OXR1: variants seen among roughly 807,000 people sequenced by gnomAD.
OXR1 encodes the protein oxidation resistance 1, also known as oxidation resistance protein 1.
OXR1 carries 41 observed loss-of-function variants against 104.6 expected under a neutral mutation model. The ratio of observed to expected loss-of-function variants is 0.39; its 90% confidence interval spans 0.31 to 0.51. The LOEUF is 0.51. Ranked by LOEUF, OXR1 falls within the 20% of genes least tolerant of loss-of-function variation. The pLI is 0.77. For synonymous variants in OXR1, 348 were observed against 348.4 expected (o/e 1.00, Z 0.01); for missense variants, 955 against 1,031.9 (o/e 0.93, Z 1.02).
intron 1 of OXR1, among the ~76,000 whole-genome samples, chr8:106,301,862 T>C (rs1813247669): frequency 6.6e-6 from 1 of 152,226 alleles, no homozygotes. Context: ...TGATTGTAGA[T>C]AGGTTGTTTA....
At chr8:106,298,545 GTC>G (rs1417143220) in intron 1 of OXR1, among the ~76,000 whole-genome samples, 2 of 152,132 alleles carry the variant, frequency 1.3e-5, no homozygotes, top group Admixed American at 1.3e-4. Context: ...TGATAATAAA[GTC>G]TCTGTCTCTA....
chr8:106,565,784 T>C (rs199506700), intron 3 of OXR1, among the ~76,000 whole-genome samples: 1 of 152,156 alleles, frequency 6.6e-6, no homozygotes, highest in East Asian at 1.9e-4. Flanking sequence ...AACAGGTATG[T>C]AGACCAATGG....
At chr8:106,420,707 T>C (rs889227181) in intron 2 of OXR1, among the ~76,000 whole-genome samples, 1 of 150,932 alleles carries the variant, frequency 6.6e-6, no homozygotes, top group Non-Finnish European at 1.5e-5. Flanking sequence ...AAAGAGACCA[T>C]GCTCTGACAA....
At chr8:106,519,898 C>T (rs1813136760) in intron 3 of OXR1, among the ~76,000 whole-genome samples, 1 of 152,142 alleles carries the variant, frequency 6.6e-6, no homozygotes, top group Non-Finnish European at 1.5e-5. Flanking sequence ...TGTCTTTGGC[C>T]TTGCTTTTTA....
At chr8:106,566,005 C>G (rs1817043786) in intron 3 of OXR1, among the ~76,000 whole-genome samples, 1 of 152,008 alleles carries the variant, frequency 6.6e-6, no homozygotes, top group Non-Finnish European at 1.5e-5. Context: ...ATGTCAGACT[C>G]AAAACCATAA....
chr8:106,658,168 C>T, intron 3 of OXR1: 3 of 1,243,770 alleles, frequency 2.4e-6, no homozygotes, highest in Non-Finnish European at 3.0e-6. Context: ...CCGGCGCCGT[C>T]CAGCCCGGAG....
chr8:106,564,195 C>G (rs1429461525), intron 3 of OXR1, among the ~76,000 whole-genome samples: 1 of 151,946 alleles, frequency 6.6e-6, no homozygotes, highest in Admixed American at 6.6e-5. Flanking sequence ...AATCCAGGAG[C>G]CAGTTTTTTG....
intron 2 of OXR1, among the ~76,000 whole-genome samples, chr8:106,456,283 T>C (rs1356562788): frequency 6.6e-6 from 1 of 152,188 alleles, no homozygotes; most frequent in Non-Finnish European, 1.5e-5. Flanking sequence ...CCTCCAACAA[T>C]TCAAATTCAT....
At chr8:106,732,036 G>A (rs946937808) in intron 11 of OXR1, among the ~76,000 whole-genome samples, 2 of 151,862 alleles carry the variant, frequency 1.3e-5, no homozygotes, top group African/African-American at 4.8e-5. Flanking sequence ...TATGAATGTG[G>A]GATATGTATT....
intron 2 of OXR1, among the ~76,000 whole-genome samples, chr8:106,412,196 T>C (rs1818482485): frequency 6.6e-6 from 1 of 152,168 alleles, no homozygotes; most frequent in Non-Finnish European, 1.5e-5. Context: ...AATTTTTTTT[T>C]CTGATCACTT....
chr8:106,528,637 A>G (rs1563583220), intron 3 of OXR1, among the ~76,000 whole-genome samples: 1 of 152,238 alleles, frequency 6.6e-6, no homozygotes, highest in African/African-American at 2.4e-5. Context: ...TTAAAATATC[A>G]TCACATAACT....
chr8:106,671,151 CAAAAAAAA>C (rs35468140), intron 3 of OXR1, among the ~76,000 whole-genome samples: 1 of 114,620 alleles, frequency 8.7e-6, no homozygotes, highest in South Asian at 2.6e-4. Flanking sequence ...ACACCAAAGG[CAAAAAAAA>C]AAAAAAGGAA....
chr8:106,714,929 C>A (rs950326116), intron 11 of OXR1, among the ~76,000 whole-genome samples: 2 of 152,044 alleles, frequency 1.3e-5, no homozygotes, highest in African/African-American at 2.4e-5. Context: ...GTATATACAG[C>A]ATCAGTTTCT....
At chr8:106,595,658 T>C (rs1301398003) in intron 3 of OXR1, among the ~76,000 whole-genome samples, 1 of 152,148 alleles carries the variant, frequency 6.6e-6, no homozygotes, top group Non-Finnish European at 1.5e-5. Flanking sequence ...TGTTTGTTTG[T>C]TTTCTGGTCA....
At chr8:106,349,772 A>T (rs1432301209) in intron 1 of OXR1, among the ~76,000 whole-genome samples, 1 of 152,174 alleles carries the variant, frequency 6.6e-6, no homozygotes, top group African/African-American at 2.4e-5. Context: ...AAGGAAAGGG[A>T]TGGGTATAGC....
At chr8:106,302,805 A>G (rs183888841) in intron 1 of OXR1, among the ~76,000 whole-genome samples, 7 of 151,222 alleles carry the variant, frequency 4.6e-5, no homozygotes, top group East Asian at 4.0e-4. Context: ...AGGCTGGAGT[A>G]CAGTGGCGCC....
At chr8:106,347,536 CAG>C (rs1815548805) in intron 1 of OXR1, among the ~76,000 whole-genome samples, 2 of 152,084 alleles carry the variant, frequency 1.3e-5, no homozygotes, top group Non-Finnish European at 2.9e-5. Context: ...ATTGACTTAA[CAG>C]ATATTTATTG....
At chr8:106,288,384 G>GAGC (rs1169879841) in intron 1 of OXR1, among the ~76,000 whole-genome samples, 4 of 152,004 alleles carry the variant, frequency 2.6e-5, no homozygotes, top group African/African-American at 9.7e-5. Context: ...AACCACAGAG[G>GAGC]AGCAACATCA....
intron 1 of OXR1, among the ~76,000 whole-genome samples, chr8:106,274,225 G>A (rs1193439694): frequency 2.0e-5 from 3 of 152,132 alleles, no homozygotes; most frequent in African/African-American, 7.2e-5. Flanking sequence ...TTTCGATTCC[G>A]TAGCACAATA....
Sources: allele counts gnomAD v4.1 joint callset (sites outside exome capture counted in the v4.1 genomes callset), GRCh38; gene constraint gnomAD v4.1.1; transcripts MANE v1.5; gene names NCBI Gene and HGNC (gene_info 2026-07-23, HGNC 2026-07-21).